The following LINGO1 variants were observed in gnomAD, a reference collection of about 807,000 sequenced individuals.
LINGO1 encodes the protein leucine rich repeat and Ig domain containing 1, also known as leucine-rich repeat and immunoglobulin-like domain-containing nogo receptor-interacting protein 1.
In LINGO1, 11 loss-of-function variants were observed where a neutral mutation model predicts 37.3. That is an observed-to-expected ratio of 0.29 (90% CI 0.19 to 0.49). The LOEUF (loss-of-function observed/expected upper bound fraction) is 0.49, where lower values mean the gene tolerates loss of function less well. Among genes scored for constraint, LINGO1 ranks in the 20% least tolerant of loss-of-function variants. The probability of loss-of-function intolerance (pLI) is 0.99; values close to 1 mark genes in which losing one functional copy is unlikely to be tolerated. For missense variants in LINGO1, 585 were observed against 878.2 expected, an observed-to-expected ratio of 0.67 and a Z score of 4.22; for synonymous variants, 387 against 403.0, an observed-to-expected ratio of 0.96 and a Z score of 0.48.
At chr15:77,752,860 C>T (rs954617203) in intron 1 of LINGO1, among the ~76,000 whole-genome samples, 26 of 152,210 alleles carry the variant, frequency 1.7e-4, no homozygotes, top group African/African-American at 6.0e-4. Context: ...GACTTCTCAC[C>T]ATCACTCATA....
At chr15:77,767,452 T>C (rs983576958) in intron 1 of LINGO1, among the ~76,000 whole-genome samples, 11 of 152,036 alleles carry the variant, frequency 7.2e-5, no homozygotes, top group Non-Finnish European at 1.2e-4. Context: ...TATTAGAGGG[T>C]GTGCTTCACA....
intron 1 of LINGO1, among the ~76,000 whole-genome samples, chr15:77,739,798 T>C (rs1020880262): frequency 3.9e-5 from 6 of 152,238 alleles, no homozygotes; most frequent in African/African-American, 1.4e-4. Context: ...CCACCTATGA[T>C]ACACAAAGGG....
intron 1 of LINGO1, among the ~76,000 whole-genome samples, chr15:77,627,927 A>G (rs1484227321): frequency 6.6e-6 from 1 of 152,190 alleles, no homozygotes; most frequent in Non-Finnish European, 1.5e-5. Context: ...CACCTAGTAC[A>G]CACTGGCTGC....
At chr15:77,781,179 G>A (rs971499535) in intron 1 of LINGO1, among the ~76,000 whole-genome samples, 14 of 152,194 alleles carry the variant, frequency 9.2e-5, no homozygotes, top group Admixed American at 5.9e-4. Flanking sequence ...TTCATCTTGC[G>A]TAAAGTCCAG....
chr15:77,619,729 A>G (rs983363114), intron 1 of LINGO1, among the ~76,000 whole-genome samples: 6 of 151,838 alleles, frequency 4.0e-5, no homozygotes, highest in Non-Finnish European at 7.4e-5. Flanking sequence ...AATAAAATAA[A>G]ATAAAATAAA....
chr15:77,618,814 CTCG>C, intron 1 of LINGO1, among the ~76,000 whole-genome samples: 6 of 14 alleles, frequency 0.43, 3 homozygotes, highest in African/African-American at 0.5. Context: ...CCGGGATGGC[CTCG>C]ATCTCCTGAC....
chr15:77,693,945 T>C (rs1378209666), intron 1 of LINGO1, among the ~76,000 whole-genome samples: 2 of 152,122 alleles, frequency 1.3e-5, no homozygotes, highest in African/African-American at 4.8e-5. Context: ...TTGGCATGTG[T>C]GTGTCCAGAG....
chr15:77,800,279 G>A (rs2076906902), intron 1 of LINGO1, among the ~76,000 whole-genome samples: 2 of 152,210 alleles, frequency 1.3e-5, no homozygotes, highest in African/African-American at 4.8e-5. Flanking sequence ...CCAACTAAGG[G>A]CTGCCACCAC....
chr15:77,739,784 A>T (rs372650121), intron 1 of LINGO1, among the ~76,000 whole-genome samples: 3 of 152,240 alleles, frequency 2.0e-5, no homozygotes, highest in African/African-American at 7.2e-5. Context: ...GGTTCTTTAA[A>T]GAGCCACCTA....
intron 3 of LINGO1, among the ~76,000 whole-genome samples, chr15:77,647,222 G>A (rs1035359728): frequency 1.6e-4 from 24 of 152,204 alleles, no homozygotes; most frequent in African/African-American, 4.3e-4. Context: ...GGTAGCTCTC[G>A]GATCAGGTCC....
chr15:77,672,820 C>T (rs1249354137), intron 3 of LINGO1, among the ~76,000 whole-genome samples: 1 of 152,192 alleles, frequency 6.6e-6, no homozygotes, highest in African/African-American at 2.4e-5. Context: ...TTGCCTCTTC[C>T]CACACTGAAG....
chr15:77,794,716 T>C (rs887031721), intron 2 of LINGO1, among the ~76,000 whole-genome samples: 27 of 150,954 alleles, frequency 1.8e-4, no homozygotes, highest in Non-Finnish European at 3.1e-4. Flanking sequence ...GCCTCCCGAG[T>C]AGCTGGGACT....
intron 1 of LINGO1, among the ~76,000 whole-genome samples, chr15:77,776,500 GGAAGGCAGGAAGGC>G (rs2076648378): frequency 3.7e-5 from 3 of 80,016 alleles, no homozygotes; most frequent in South Asian, 4.2e-4. Context: ...CAGGAAGGCA[GGAAGGCAGGAAGGC>G]AGGAAGGGAG....
intron 1 of LINGO1, among the ~76,000 whole-genome samples, chr15:77,745,087 C>T (rs1461580263): frequency 7.0e-6 from 1 of 142,246 alleles, no homozygotes; most frequent in Non-Finnish European, 1.5e-5. Context: ...CACTGCACTC[C>T]AGCACTCCAG....
At chr15:77,727,182 A>C (rs1461654853) in intron 2 of LINGO1, among the ~76,000 whole-genome samples, 5 of 152,280 alleles carry the variant, frequency 3.3e-5, no homozygotes, top group Non-Finnish European at 5.9e-5. Context: ...AATTAAAAAT[A>C]GAATTACCAT....
At chr15:77,689,342 C>T (rs901499404) in intron 2 of LINGO1, among the ~76,000 whole-genome samples, 11 of 152,168 alleles carry the variant, frequency 7.2e-5, no homozygotes, top group African/African-American at 2.4e-4. Flanking sequence ...TCAGGAGGTC[C>T]GGAACTGTCG....
chr15:77,748,238 T>C (rs1666118700), intron 1 of LINGO1, among the ~76,000 whole-genome samples: 1 of 152,216 alleles, frequency 6.6e-6, no homozygotes, highest in African/African-American at 2.4e-5. Context: ...GCCTTCACCC[T>C]GCACTCTGAC....
At chr15:77,720,981 A>G (rs971366603) in intron 2 of LINGO1, among the ~76,000 whole-genome samples, 1 of 151,934 alleles carries the variant, frequency 6.6e-6, no homozygotes, top group Non-Finnish European at 1.5e-5. Flanking sequence ...AGGCCTGGAG[A>G]GGATACAGGG....
chr15:77,786,560 C>T (rs947072678), intron 1 of LINGO1, among the ~76,000 whole-genome samples: 3 of 152,202 alleles, frequency 2.0e-5, no homozygotes, highest in African/African-American at 4.8e-5. Flanking sequence ...GCCTCGGCTG[C>T]AATGGCGCCT....
Sources: gnomAD v4.1 joint callset for allele counts (sites outside exome capture counted in the v4.1 genomes callset) on GRCh38, gnomAD v4.1.1 for gene constraint, MANE v1.5 for transcripts, NCBI Gene and HGNC (gene_info 2026-07-23, HGNC 2026-07-21) for gene names.